The following CNOT2 variants were observed in gnomAD, a reference collection of about 807,000 sequenced individuals.
The protein encoded by CNOT2 is CC chemokine receptor 4-negative regulator of transcription 2.
In CNOT2, 7 loss-of-function variants were observed where a neutral mutation model predicts 72.1. The observed-to-expected ratio is 0.10, with a 90% CI of 0.06 to 0.18. The LOEUF is 0.18. Among genes scored for constraint, CNOT2 ranks in the 10% least tolerant of loss-of-function variants. The pLI is 1.00. For synonymous variants in CNOT2, 196 were observed against 225.6 expected (o/e 0.87, Z 1.17); for missense variants, 345 against 660.3 (o/e 0.52, Z 5.23).
intron 2 of CNOT2, among the ~76,000 whole-genome samples, chr12:70,294,632 G>C (rs568116673): frequency 3.9e-5 from 6 of 152,028 alleles, no homozygotes; most frequent in Non-Finnish European, 8.8e-5. Flanking sequence ...AAAAAAAGTT[G>C]GGGAAGGCCT....
intron 1 of CNOT2, among the ~76,000 whole-genome samples, chr12:70,252,844 G>GT (rs1261444146): frequency 6.6e-6 from 1 of 152,184 alleles, no homozygotes; most frequent in Admixed American, 6.5e-5. Context: ...AAGGATTAAA[G>GT]TTTTTTGTGG....
intron 2 of CNOT2, among the ~76,000 whole-genome samples, chr12:70,310,552 T>G (rs1876270240): frequency 6.6e-6 from 1 of 151,976 alleles, no homozygotes. Flanking sequence ...ATGTGAAGAT[T>G]TTGAATAATT....
intron 1 of CNOT2, among the ~76,000 whole-genome samples, chr12:70,271,438 A>G (rs1049091178): frequency 2.1e-5 from 3 of 141,354 alleles, no homozygotes; most frequent in East Asian, 2.1e-4. Context: ...CAGTGGCACA[A>G]TCTCAGCTCA....
At chr12:70,247,676 A>G (rs1957945792) in intron 1 of CNOT2, among the ~76,000 whole-genome samples, 2 of 152,196 alleles carry the variant, frequency 1.3e-5, no homozygotes, top group African/African-American at 4.8e-5. Context: ...ACTGTATTGT[A>G]ATTTACTGTC....
chr12:70,330,611 T>C, intron 6 of CNOT2, 142 bp downstream of exon 6: 1 of 494,042 alleles, frequency 2.0e-6, no homozygotes, highest in South Asian at 4.4e-5. Flanking sequence ...AAGATTCTGT[T>C]ACCCATCACA....
chr12:70,263,646 G>A (rs188059439), intron 1 of CNOT2, among the ~76,000 whole-genome samples: 72 of 151,792 alleles, frequency 4.7e-4, no homozygotes, highest in African/African-American at 1.7e-3. Context: ...TATTTTTAAC[G>A]ACTGCTTTGA....
At chr12:70,262,165 A>G (rs1201258052) in intron 1 of CNOT2, among the ~76,000 whole-genome samples, 3 of 152,184 alleles carry the variant, frequency 2.0e-5, no homozygotes, top group African/African-American at 7.2e-5. Context: ...ATAAACTTTA[A>G]AAAGTATTTC....
chr12:70,352,522 A>G (rs973569558), intron 15 of CNOT2, among the ~76,000 whole-genome samples: 3 of 152,184 alleles, frequency 2.0e-5, no homozygotes, highest in Non-Finnish European at 4.4e-5. Context: ...TAATTTAATA[A>G]TGGAAATACT....
intron 2 of CNOT2, among the ~76,000 whole-genome samples, chr12:70,305,163 GCCGCACCCACTGTC>G (rs926899351): frequency 2.6e-5 from 4 of 152,292 alleles, no homozygotes; most frequent in East Asian, 1.9e-4. Context: ...CGCATGGTGC[GCCGCACCCACTGTC>G]CCGCACCCAC....
intron 2 of CNOT2, 135 bp downstream of exon 2, chr12:70,278,409 T>G (rs1196774945): frequency 7.0e-6 from 4 of 573,282 alleles, no homozygotes; most frequent in African/African-American, 5.7e-5. Flanking sequence ...AATTTTAAAT[T>G]AAGTACTGGA....
intron 1 of CNOT2, among the ~76,000 whole-genome samples, chr12:70,255,862 T>A (rs928579007): frequency 2.6e-5 from 4 of 152,154 alleles, no homozygotes; most frequent in African/African-American, 9.7e-5. Flanking sequence ...AAAACATATT[T>A]GTAATATAAA....
At chr12:70,330,742 T>G (rs1006173337) in intron 6 of CNOT2, 1 of 316,578 alleles carries the variant, frequency 3.2e-6, no homozygotes, top group African/African-American at 2.2e-5. Flanking sequence ...TTGGTTGATA[T>G]GTCCTCTCTT....
intron 1 of CNOT2, among the ~76,000 whole-genome samples, chr12:70,259,046 AGTT>A (rs1265070432): frequency 6.6e-6 from 1 of 152,234 alleles, no homozygotes; most frequent in Non-Finnish European, 1.5e-5. Flanking sequence ...TACTCTTCAC[AGTT>A]GTTACACGAG....
At position 70,346,225 on chromosome 12, in the gene CNOT2, T is replaced by A. The variant is rs1463467894; in HGVS notation, c.1437T>A (p.Ile479=). ...ACCACAAAGAAGAACGAGTATGGAT[T>A]ACCAGGGCACCAGGCATGGAGCCAA... ...WRYHKEERVW[I]TRAPGMEPTM... The change falls in exon 15 of 16, where the codon ATT becomes ATA. Residue 479 remains isoleucine (I), a synonymous_variant. Coordinates refer to ENST00000229195, the MANE Select transcript of CNOT2 (RefSeq NM_014515.7). 1 of 1,608,760 alleles carries A rather than the reference T, an allele frequency of 6.2e-7. No homozygotes were observed. The highest frequency in any genetic ancestry group is 1.1e-5 in the South Asian group (1 of 90,964).
At chr12:70,332,537 T>C (rs1880113919) in intron 6 of CNOT2, 2 of 559,900 alleles carry the variant, frequency 3.6e-6, no homozygotes, top group African/African-American at 3.9e-5. Flanking sequence ...TTTTGAGTTT[T>C]TGTTTTTTAA....
intron 2 of CNOT2, among the ~76,000 whole-genome samples, chr12:70,307,382 T>C (rs1383520724): frequency 7.2e-5 from 11 of 152,178 alleles, no homozygotes; most frequent in Admixed American, 7.2e-4. Flanking sequence ...TTTGTTTTTT[T>C]ACTTTTTAGA....
At chr12:70,252,629 A>G (rs1958197696) in intron 1 of CNOT2, among the ~76,000 whole-genome samples, 2 of 152,224 alleles carry the variant, frequency 1.3e-5, no homozygotes, top group African/African-American at 4.8e-5. Flanking sequence ...AAAGAGAGTT[A>G]TATTCTGAAA....
At chr12:70,324,826 G>A (rs566062957) in intron 4 of CNOT2, among the ~76,000 whole-genome samples, 15 of 151,814 alleles carry the variant, frequency 9.9e-5, no homozygotes, top group African/African-American at 3.4e-4. Flanking sequence ...CATATATCTC[G>A]TCATTCTCTC....
At chr12:70,308,481 T>A (rs1875833163) in intron 2 of CNOT2, among the ~76,000 whole-genome samples, 1 of 151,854 alleles carries the variant, frequency 6.6e-6, no homozygotes, top group Non-Finnish European at 1.5e-5. Context: ...GTAAGAATAA[T>A]TAGTATTGTC....
Sources: gnomAD v4.1 joint callset for allele counts (sites outside exome capture counted in the v4.1 genomes callset) on GRCh38, gnomAD v4.1.1 for gene constraint, MANE v1.5 for transcripts, NCBI Gene and HGNC (gene_info 2026-07-23, HGNC 2026-07-21) for gene names.